SLC24A2: variants seen among roughly 807,000 people sequenced by gnomAD.
The protein encoded by SLC24A2 is solute carrier family 24 member 2, also known as sodium/potassium/calcium exchanger 2.
In SLC24A2, 36 loss-of-function variants were observed where a neutral mutation model predicts 62.0. The observed-to-expected ratio is 0.58, with a 90% CI of 0.44 to 0.77. The LOEUF (loss-of-function observed/expected upper bound fraction) is 0.77, where lower values mean the gene tolerates loss of function less well. Among genes scored for constraint, SLC24A2 ranks in the 30% least tolerant of loss-of-function variants. The pLI, the probability that SLC24A2 is intolerant of heterozygous loss-of-function variation, is 0.00. For synonymous variants in SLC24A2, 358 were observed against 294.0 expected (o/e 1.22, Z -2.23); for missense variants, 846 against 817.9 (o/e 1.03, Z -0.42).
At chr9:20,202,181 C>T in the SLC24A2 span, among the ~76,000 whole-genome samples, 11 of 151,916 alleles carry the variant, frequency 7.2e-5, no homozygotes, top group Non-Finnish European at 1.5e-4. Context: ...CTACTAGCAG[C>T]AGTCATGGTC....
chr9:19,914,962 A>G, the SLC24A2 span, among the ~76,000 whole-genome samples: 1 of 152,140 alleles, frequency 6.6e-6, no homozygotes. Flanking sequence ...AGATTGATAT[A>G]AAAGTCACCA....
the SLC24A2 span, among the ~76,000 whole-genome samples, chr9:19,818,149 G>T: frequency 2.0e-5 from 3 of 152,178 alleles, no homozygotes; most frequent in Non-Finnish European, 2.9e-5. Flanking sequence ...GCAATACCTG[G>T]TGCATTTTAG....
At chr9:19,614,740 G>C (rs1290847525) in intron 4 of SLC24A2, among the ~76,000 whole-genome samples, 2 of 151,928 alleles carry the variant, frequency 1.3e-5, no homozygotes, top group African/African-American at 4.8e-5. Context: ...AAACATGTTA[G>C]TCTATCCACA....
the SLC24A2 span, among the ~76,000 whole-genome samples, chr9:20,272,646 A>G: frequency 6.6e-6 from 1 of 152,242 alleles, no homozygotes. Context: ...CCAGTCTTCA[A>G]GGTAAACCAA....
intron 4 of SLC24A2, among the ~76,000 whole-genome samples, chr9:19,598,443 AT>A (rs1161066953): frequency 6.6e-6 from 1 of 152,156 alleles, no homozygotes; most frequent in African/African-American, 2.4e-5. Flanking sequence ...TCATTTACAC[AT>A]TTTTTCATGT....
intron 8 of SLC24A2, among the ~76,000 whole-genome samples, chr9:19,533,715 C>T (rs1833815535): frequency 6.6e-6 from 1 of 152,206 alleles, no homozygotes; most frequent in Non-Finnish European, 1.5e-5. Context: ...CAGCTGAGCA[C>T]AACCCAAATT....
the SLC24A2 span, among the ~76,000 whole-genome samples, chr9:19,900,840 C>T: frequency 1.3e-5 from 2 of 152,152 alleles, no homozygotes; most frequent in African/African-American, 4.8e-5. Context: ...GAAATATGCT[C>T]TTCATCAATG....
the SLC24A2 span, among the ~76,000 whole-genome samples, chr9:20,236,558 T>A: frequency 6.6e-6 from 1 of 152,200 alleles, no homozygotes; most frequent in African/African-American, 2.4e-5. Context: ...ATCTTGTCCA[T>A]GTTACTGTCA....
At chr9:19,683,859 C>A (rs186895422) in intron 2 of SLC24A2, among the ~76,000 whole-genome samples, 1 of 152,140 alleles carries the variant, frequency 6.6e-6, no homozygotes, top group Admixed American at 6.6e-5. Context: ...CGGTCCTGGG[C>A]CCAGGGGCTC....
chr9:20,005,360 A>C, the SLC24A2 span, among the ~76,000 whole-genome samples: 2 of 152,140 alleles, frequency 1.3e-5, no homozygotes, highest in Admixed American at 6.5e-5. Flanking sequence ...TAAAAAAACA[A>C]ATTTTGAGGG....
chr9:19,620,996 A>G (rs1441766438), intron 3 of SLC24A2, among the ~76,000 whole-genome samples: 1 of 152,102 alleles, frequency 6.6e-6, no homozygotes, highest in African/African-American at 2.4e-5. Context: ...TATATTGGAA[A>G]GTGCTATATC....
the SLC24A2 span, among the ~76,000 whole-genome samples, chr9:19,884,803 T>C: frequency 6.6e-6 from 1 of 152,234 alleles, no homozygotes; most frequent in African/African-American, 2.4e-5. Context: ...TAGATGATTT[T>C]GCCCAACAGT....
Position 19,562,738 on chromosome 9 carries a change from T to C in SLC24A2, c.1347+10613A>G, listed in dbSNP as rs3739479. On this transcript the variant is annotated intron_variant, in intron 7 of 10. Transcript: ENST00000341998. Reference sequence around the variant, plus strand: ...ATTTTTGCTTGTTTTATAATTTGTCTTAGGTTTTCTCTGACACTAGTGGAT... The same window carrying C: ...ATTTTTGCTTGTTTTATAATTTGTCCTAGGTTTTCTCTGACACTAGTGGAT... Among the ~76,000 whole-genome samples, 239 of 152,332 alleles carry C rather than the reference T, an allele frequency of 1.6e-3. 2 individuals are homozygous for C. The East Asian group carries it at 0.032, about 20-fold the overall frequency.
the SLC24A2 span, among the ~76,000 whole-genome samples, chr9:20,114,308 A>C: frequency 3.9e-5 from 6 of 152,274 alleles, no homozygotes; most frequent in South Asian, 1.0e-3. Context: ...TGTTCCCTCT[A>C]CCATGTGGAA....
chr9:19,807,698 A>G, the SLC24A2 span, among the ~76,000 whole-genome samples: 3 of 152,194 alleles, frequency 2.0e-5, no homozygotes, highest in Admixed American at 6.5e-5. Flanking sequence ...CTCTTCTTCT[A>G]CATTATGGCT....
intron 2 of SLC24A2, among the ~76,000 whole-genome samples, chr9:19,782,731 A>G (rs1034167807): frequency 2.0e-5 from 3 of 152,152 alleles, no homozygotes; most frequent in Non-Finnish European, 2.9e-5. Context: ...AACAACCCAC[A>G]TTTTCCAAGG....
the SLC24A2 span, among the ~76,000 whole-genome samples, chr9:20,096,820 G>A: frequency 6.6e-6 from 1 of 151,666 alleles, no homozygotes; most frequent in Non-Finnish European, 1.5e-5. Flanking sequence ...TTATCGTTCT[G>A]TTGTTTTGTT....
At chr9:19,832,993 C>T in the SLC24A2 span, among the ~76,000 whole-genome samples, 1 of 152,068 alleles carries the variant, frequency 6.6e-6, no homozygotes, top group African/African-American at 2.4e-5. Flanking sequence ...TGAAAAAATG[C>T]TCATCATCAC....
In SLC24A2 at chr9:19,648,015, T is replaced by G. The variant is rs187234057; in HGVS notation, c.931-25716A>C. Among the ~76,000 whole-genome samples the G allele has an allele frequency of 2.0e-3, 299 of 152,266 alleles. 1 individual carries two copies. The highest frequency in any genetic ancestry group is 3.7e-4 in the Non-Finnish European group (25 of 68,016). On this transcript the variant is annotated intron_variant, in intron 2 of 10. Coordinates refer to ENST00000341998, the MANE Select transcript of SLC24A2 (RefSeq NM_020344.4). ...CAAGAAAGAAAGATAAAAGATAAGA[T>G]GAAGAGCCAACTAGCCAAGCCAAGA...
Sources: gnomAD v4.1 joint callset for allele counts (sites outside exome capture counted in the v4.1 genomes callset) on GRCh38, gnomAD v4.1.1 for gene constraint, MANE v1.5 for transcripts, NCBI Gene and HGNC (gene_info 2026-07-23, HGNC 2026-07-21) for gene names.